BMPR1A: variants seen among roughly 807,000 people sequenced by gnomAD.
BMPR1A encodes the protein bone morphogenetic protein receptor type 1A.
In BMPR1A, 7 loss-of-function variants were observed where a neutral mutation model predicts 66.0. The observed-to-expected ratio is 0.11, with a 90% CI of 0.06 to 0.20. The LOEUF (loss-of-function observed/expected upper bound fraction) is 0.20, where lower values mean the gene tolerates loss of function less well. BMPR1A is among the 10% of genes least tolerant of loss of function. The probability of loss-of-function intolerance (pLI) is 1.00; values close to 1 mark genes in which losing one functional copy is unlikely to be tolerated. For missense variants in BMPR1A, 408 were observed against 669.1 expected (o/e 0.61, Z 4.31); for synonymous variants, 200 against 229.7 (o/e 0.87, Z 1.17).
rs1479369279 is a variant in BMPR1A, at chr10:86,927,714, A to G, written c.*3995A>G. 1 of 199,062 alleles carries G rather than the reference A, an allele frequency of 5.0e-6. No homozygotes were observed. Among genetic ancestry groups the G allele is most frequent in the Non-Finnish European group, 1.0e-5 (1 of 96,584 alleles). 12.3% of individuals were successfully genotyped at this position (199,062 alleles called of 1,614,324 possible). A position where few individuals can be genotyped will look rare whatever the true frequency, so the allele number is the denominator to read the frequency against. ...ACTAAAATGTAGTATATATTGTATAAAATGGAAATATCATTATTGCTTCAT... is the reference window on the plus strand; with the variant it reads ...ACTAAAATGTAGTATATATTGTATAGAATGGAAATATCATTATTGCTTCAT... On this transcript the variant is annotated 3_prime_UTR_variant, in exon 13 of 13. Transcript: ENST00000372037.
In BMPR1A at chr10:86,790,176, AAAAAAAAAAAAAATATATATAT is replaced by A. The variant is rs1413662828; in HGVS notation, c.-268+33259_-268+33280del. ...GACTCTGTCTCCAAAAAAAAAAAAA[AAAAAAAAAAAAAATATATATAT>A]ATATATATATATATATATATATATA... On this transcript the variant is annotated intron_variant, in intron 1 of 12. Transcript: ENST00000372037. Among the ~76,000 whole-genome samples, 215 of 43,066 alleles carry A rather than the reference AAAAAAAAAAAAAATATATATAT, an allele frequency of 5.0e-3. 20 individuals are homozygous for A. Among genetic ancestry groups the A allele is most frequent in the African/African-American group, 0.02 (182 of 9,180 alleles). The allele number at this position is 43,066 out of a possible 152,430, so 28.3% of individuals were successfully genotyped here. A position where few individuals can be genotyped will look rare whatever the true frequency, so the allele number is the denominator to read the frequency against.
chr10:86,771,481 C>T (rs921491692), intron 1 of BMPR1A, among the ~76,000 whole-genome samples: 2 of 152,108 alleles, frequency 1.3e-5, no homozygotes, highest in Non-Finnish European at 2.9e-5. Context: ...TTATCAGTTC[C>T]CTTTTACATG....
At chr10:86,854,049 C>T (rs1453477383) in intron 2 of BMPR1A, among the ~76,000 whole-genome samples, 12 of 152,100 alleles carry the variant, frequency 7.9e-5, no homozygotes, top group East Asian at 7.7e-4. Context: ...CCATAGAAGA[C>T]GGCCACACCC....
intron 1 of BMPR1A, among the ~76,000 whole-genome samples, chr10:86,813,483 A>G (rs1237205838): frequency 6.6e-6 from 1 of 152,088 alleles, no homozygotes; most frequent in Non-Finnish European, 1.5e-5. Context: ...GGGAGGTACT[A>G]CCCTCGGAAT....
At chr10:86,852,121 A>T (rs1483291506) in intron 2 of BMPR1A, among the ~76,000 whole-genome samples, 9 of 97,812 alleles carry the variant, frequency 9.2e-5, no homozygotes, top group Admixed American at 8.3e-4. Flanking sequence ...CACAACTGTT[A>T]AAAAAAAAAA....
At chr10:86,917,001 A>G in intron 8 of BMPR1A, 133 bp from the exon 9 acceptor site, 1 of 1,025,568 alleles carries the variant, frequency 9.8e-7, no homozygotes, top group Non-Finnish European at 1.5e-6. Context: ...TCAAAAAAAA[A>G]AAAGTACATT....
At chr10:86,889,288 G>A (rs189534034) in intron 3 of BMPR1A, among the ~76,000 whole-genome samples, 7 of 152,278 alleles carry the variant, frequency 4.6e-5, no homozygotes, top group East Asian at 1.9e-4. Flanking sequence ...TGCCAGCATC[G>A]TCTGCATTCA....
At chr10:86,908,233 T>G (rs987517889) in intron 7 of BMPR1A, among the ~76,000 whole-genome samples, 1 of 152,172 alleles carries the variant, frequency 6.6e-6, no homozygotes, top group East Asian at 1.9e-4. Flanking sequence ...AAACAAAAGA[T>G]AAATATTTGA....
At chr10:86,865,709 T>A (rs1842778144) in intron 2 of BMPR1A, among the ~76,000 whole-genome samples, 1 of 152,194 alleles carries the variant, frequency 6.6e-6, no homozygotes, top group Admixed American at 6.5e-5. Flanking sequence ...GAGAGTACTG[T>A]TAGCATTTGG....
intron 1 of BMPR1A, among the ~76,000 whole-genome samples, chr10:86,812,986 A>T (rs1841991241): frequency 6.6e-6 from 1 of 151,694 alleles, no homozygotes; most frequent in Non-Finnish European, 1.5e-5. Context: ...CCTCCTCTCA[A>T]CCCCTGGCAC....
chr10:86,887,318 A>G (rs1843079902), intron 3 of BMPR1A, among the ~76,000 whole-genome samples: 1 of 152,198 alleles, frequency 6.6e-6, no homozygotes, highest in African/African-American at 2.4e-5. Flanking sequence ...TTTGGCAATA[A>G]CATAAGCTCC....
chr10:86,815,694 A>G (rs778865038), intron 1 of BMPR1A, among the ~76,000 whole-genome samples: 1 of 152,212 alleles, frequency 6.6e-6, no homozygotes, highest in Non-Finnish European at 1.5e-5. Flanking sequence ...CCTGGAATCT[A>G]GGACTGAGAT....
chr10:86,796,490 C>CATTTATTTATTTATTTATTT (rs138802508), intron 1 of BMPR1A, among the ~76,000 whole-genome samples: 1 of 148,098 alleles, frequency 6.8e-6, no homozygotes, highest in African/African-American at 2.5e-5. Context: ...AATTTAGGCA[C>CATTTATTTATTTATTTATTT]ATTTATTTAT....
intron 1 of BMPR1A, among the ~76,000 whole-genome samples, chr10:86,790,225 ATATATATATATC>A (rs1564685666): frequency 3.0e-4 from 27 of 91,184 alleles, no homozygotes; most frequent in African/African-American, 5.7e-4. Context: ...ATATATATAT[ATATATATATATC>A]AAAACCACAA....
At chr10:86,815,383 G>A (rs1482487569) in intron 1 of BMPR1A, among the ~76,000 whole-genome samples, 1 of 152,032 alleles carries the variant, frequency 6.6e-6, no homozygotes, top group Non-Finnish European at 1.5e-5. Context: ...TGTGAGTGAG[G>A]CTGTTTCCTA....
intron 1 of BMPR1A, among the ~76,000 whole-genome samples, chr10:86,827,829 C>T (rs1185136650): frequency 6.6e-6 from 1 of 152,182 alleles, no homozygotes; most frequent in South Asian, 2.1e-4. Context: ...GGTATGTCAT[C>T]TCTCCCTTCT....
intron 8 of BMPR1A, among the ~76,000 whole-genome samples, chr10:86,912,962 TC>T (rs1302596367): frequency 1.3e-5 from 2 of 151,936 alleles, no homozygotes; most frequent in African/African-American, 4.8e-5. Flanking sequence ...AAAAAAATAA[TC>T]CCAGCAGGTT....
At chr10:86,810,661 T>C (rs1589727221) in intron 1 of BMPR1A, among the ~76,000 whole-genome samples, 2 of 152,264 alleles carry the variant, frequency 1.3e-5, no homozygotes, top group Admixed American at 6.5e-5. Context: ...GTTACTGATA[T>C]CGTTCAGCAT....
chr10:86,763,435 G>A (rs1347960791), intron 1 of BMPR1A, among the ~76,000 whole-genome samples: 1 of 151,878 alleles, frequency 6.6e-6, no homozygotes, highest in African/African-American at 2.4e-5. Flanking sequence ...AAAAATAGAA[G>A]GAACATGGTG....
Sources: allele counts gnomAD v4.1 joint callset (sites outside exome capture counted in the v4.1 genomes callset), GRCh38; gene constraint gnomAD v4.1.1; transcripts MANE v1.5; gene names NCBI Gene and HGNC (gene_info 2026-07-23, HGNC 2026-07-21).